The following PRKN variants were observed in gnomAD, a reference collection of about 807,000 sequenced individuals.
The protein encoded by PRKN is E3 ubiquitin-protein ligase parkin.
In PRKN, 56 loss-of-function variants were observed where a neutral mutation model predicts 59.5. The observed-to-expected ratio is 0.94, with a 90% CI of 0.76 to 1.18. PRKN has a LOEUF of 1.18. Ranked by LOEUF, PRKN falls within the 50% of genes most tolerant of loss-of-function variation. The probability of loss-of-function intolerance (pLI) is 0.00; values close to 1 mark genes in which losing one functional copy is unlikely to be tolerated. For missense variants in PRKN, 657 were observed against 596.4 expected (o/e 1.10, Z -1.06); for synonymous variants, 250 against 222.1 (o/e 1.13, Z -1.12).
rs35890771 is a variant in PRKN at position 162,155,801 on chromosome 6, G to GAA, written c.534+45328_534+45329dup. Among the ~76,000 whole-genome samples the GAA allele has an allele frequency of 8.0e-3, 1,131 of 140,940 alleles. 13 individuals carry two copies. Among genetic ancestry groups the GAA allele is most frequent in the African/African-American group, 0.028 (1,068 of 38,200 alleles). The allele number at this position is 140,940 out of a possible 152,430, so 92.5% of individuals were successfully genotyped here. ...TCAGTGCTCAGAAACTTTCAGTTAA[G>GAA]AAAAAAAAAAAAAAGAGTCAAGGGA... is the stretch of plus-strand genomic sequence containing the variant. On this transcript the variant is annotated intron_variant, in intron 4 of 11. Coordinates refer to ENST00000366898, the MANE Select transcript of PRKN (RefSeq NM_004562.3).
intron 9 of PRKN, among the ~76,000 whole-genome samples, chr6:161,528,590 C>T (rs1286896455): frequency 6.6e-6 from 1 of 152,180 alleles, no homozygotes; most frequent in East Asian, 1.9e-4. Flanking sequence ...AGGGCCCCCT[C>T]ATATAACACG....
intron 4 of PRKN, among the ~76,000 whole-genome samples, chr6:162,157,513 A>G (rs1258795985): frequency 6.6e-6 from 1 of 152,214 alleles, no homozygotes; most frequent in African/African-American, 2.4e-5. Context: ...AAAAGTACTG[A>G]CAAAAATGCA....
At chr6:161,412,372 C>T (rs541337315) in intron 9 of PRKN, among the ~76,000 whole-genome samples, 5 of 150,484 alleles carry the variant, frequency 3.3e-5, no homozygotes, top group African/African-American at 9.8e-5. Flanking sequence ...CCTCCACTCA[C>T]TCATTCCTCC....
At chr6:161,434,761 G>A (rs1788805088) in intron 9 of PRKN, among the ~76,000 whole-genome samples, 1 of 152,120 alleles carries the variant, frequency 6.6e-6, no homozygotes, top group South Asian at 2.1e-4. Flanking sequence ...AACGCAATTT[G>A]AAACATGAAA....
intron 7 of PRKN, among the ~76,000 whole-genome samples, chr6:161,645,948 A>G (rs12203822): frequency 0.17 from 22,058 of 127,094 alleles, 2,323 homozygotes; most frequent in Middle Eastern, 0.25. Context: ...TGCGTGGCGG[A>G]GGAGGTGGCG....
intron 1 of PRKN, among the ~76,000 whole-genome samples, chr6:162,501,757 C>T (rs1445972249): frequency 6.6e-6 from 1 of 152,064 alleles, no homozygotes; most frequent in Non-Finnish European, 1.5e-5. Flanking sequence ...GAGGGCAGAA[C>T]CAACGCTTAC....
chr6:162,009,653 C>T (rs535561757), intron 5 of PRKN, among the ~76,000 whole-genome samples: 5 of 151,638 alleles, frequency 3.3e-5, no homozygotes, highest in Non-Finnish European at 5.9e-5. Flanking sequence ...AGTCCTCTCG[C>T]GGCTGGGCAT....
At chr6:162,453,195 C>A (rs1790708483) in intron 1 of PRKN, among the ~76,000 whole-genome samples, 1 of 152,094 alleles carries the variant, frequency 6.6e-6, no homozygotes, top group African/African-American at 2.4e-5. Flanking sequence ...ACTTCCTACC[C>A]TCCTCAGGGA....
chr6:161,607,542 C>T lies in PRKN; in HGVS notation c.872-38126G>A, dbSNP rs541169630. Among the ~76,000 whole-genome samples, 8 of 151,752 alleles carry T rather than the reference C, an allele frequency of 5.3e-5. No individual in the cohort carries two copies. In the South Asian group the frequency reaches 8.4e-4, roughly 16 times the overall value. The stretch of plus-strand genomic sequence containing the variant: ...GCGGTCTTAAATATTAAAATGATGA[C>T]GGCAGAAAATTTTAAAAATTTAGTC... On this transcript the variant is annotated intron_variant, in intron 7 of 11. Coordinates refer to ENST00000366898, the MANE Select transcript of PRKN (RefSeq NM_004562.3).
intron 6 of PRKN, among the ~76,000 whole-genome samples, chr6:161,928,519 T>C (rs954711452): frequency 6.6e-6 from 1 of 152,204 alleles, no homozygotes; most frequent in Admixed American, 6.5e-5. Context: ...AGTGAATATA[T>C]ATTTCAGCCC....
At chr6:162,572,235 C>T (rs897805627) in intron 1 of PRKN, among the ~76,000 whole-genome samples, 1 of 152,130 alleles carries the variant, frequency 6.6e-6, no homozygotes, top group Middle Eastern at 3.2e-3. Context: ...AATCCATATC[C>T]CAAATTATTG....
At chr6:161,601,928 C>A (rs995118962) in intron 7 of PRKN, among the ~76,000 whole-genome samples, 1 of 152,128 alleles carries the variant, frequency 6.6e-6, no homozygotes, top group Non-Finnish European at 1.5e-5. Context: ...ATGTATTTAG[C>A]AAAACTAAAA....
At chr6:161,785,496 C>T in intron 7 of PRKN, among the ~76,000 whole-genome samples, 1 of 152,102 alleles carries the variant, frequency 6.6e-6, no homozygotes. Context: ...GTGACTCTAA[C>T]CCACAGAAAA....
At position 161,566,565 on chromosome 6, in the gene PRKN, C is replaced by A. The variant is rs948090201; in HGVS notation, c.933+2790G>T. Among the ~76,000 whole-genome samples the A allele has an allele frequency of 1.3e-5, 2 of 152,152 alleles. No individual in the cohort carries two copies. Among genetic ancestry groups the A allele is most frequent in the African/African-American group, 4.8e-5 (2 of 41,448 alleles). ...GAGATTACAGGCGCCCGCCACCACA[C>A]CCAGCTAACTTCTGTATTTTTAGTA... On this transcript the variant is annotated intron_variant, in intron 8 of 11. Coordinates refer to ENST00000366898, the MANE Select transcript of PRKN (RefSeq NM_004562.3). This position sits in a 1 kb window ranked among gnomAD's most constrained non-coding sequence, Gnocchi z 4.1.
At chr6:162,106,813 A>G (rs954462853) in intron 4 of PRKN, among the ~76,000 whole-genome samples, 3 of 152,184 alleles carry the variant, frequency 2.0e-5, no homozygotes, top group African/African-American at 7.2e-5. Context: ...TACTCAGGAC[A>G]CAAGTGTCAC....
intron 3 of PRKN, among the ~76,000 whole-genome samples, chr6:162,218,107 A>G (rs1408749413): frequency 6.6e-6 from 1 of 152,230 alleles, no homozygotes; most frequent in Non-Finnish European, 1.5e-5. Context: ...ACAGCCCTCC[A>G]GAGGAAGGAC....
chr6:162,405,702 G>A (rs1031857748), intron 2 of PRKN, among the ~76,000 whole-genome samples: 11 of 152,106 alleles, frequency 7.2e-5, no homozygotes, highest in Admixed American at 7.2e-4. Context: ...ATTAGGACAG[G>A]AGAGATACTG....
rs1375148039 is a variant in PRKN, at chr6:161,402,107, A to G, written c.1084-15230T>C. ...AGCTGATTGTCATCACCGCCCTGAC[A>G]GTCTCAGTGGCAGGCCAGGCTCTAA... On this transcript the variant is annotated intron_variant, in intron 9 of 11. Transcript: ENST00000366898. This position sits in a 1 kb window ranked among gnomAD's most constrained non-coding sequence, Gnocchi z 4.5. Among the ~76,000 whole-genome samples, 1 of 152,020 alleles carries G rather than the reference A, an allele frequency of 6.6e-6. No individual in the cohort carries two copies. Among genetic ancestry groups the G allele is most frequent in the Non-Finnish European group, 1.5e-5 (1 of 68,012 alleles).
In PRKN at chr6:161,721,600, A is replaced by C. The variant is rs148172419; in HGVS notation, c.871+64172T>G. Reference sequence around the variant, plus strand: ...GGCCAGTTGTTTATGCAGTCCCATCACACCAGAAAACATAAATGGATTTTA... The same window carrying C: ...GGCCAGTTGTTTATGCAGTCCCATCCCACCAGAAAACATAAATGGATTTTA... On this transcript the variant is annotated intron_variant, in intron 7 of 11. Transcript: ENST00000366898. Among the ~76,000 whole-genome samples the C allele has an allele frequency of 5.6e-4, 86 of 152,360 alleles. 2 individuals carry two copies. In the East Asian group the frequency reaches 0.015, roughly 27 times the overall value.
Sources: gnomAD v4.1 joint callset for allele counts (sites outside exome capture counted in the v4.1 genomes callset) on GRCh38, gnomAD v4.1.1 for gene constraint, Gnocchi (gnomAD v3.1) non-coding constraint, MANE v1.5 for transcripts, NCBI Gene and HGNC (gene_info 2026-07-23, HGNC 2026-07-21) for gene names.